The following GPC5 variants were observed in gnomAD, a reference collection of about 807,000 sequenced individuals.
The protein encoded by GPC5 is glypican-5.
In GPC5, 47 loss-of-function variants were observed where a neutral mutation model predicts 53.9. The observed-to-expected ratio is 0.87, with a 90% CI of 0.69 to 1.11. GPC5 has a LOEUF of 1.11. Ranked by LOEUF, GPC5 falls within the 50% of genes most tolerant of loss-of-function variation. The pLI, the probability that GPC5 is intolerant of heterozygous loss-of-function variation, is 0.00. For synonymous variants in GPC5, 286 were observed against 263.3 expected, an observed-to-expected ratio of 1.09 and a Z score of -0.84; for missense variants, 748 against 713.1, an observed-to-expected ratio of 1.05 and a Z score of -0.56.
At chr13:92,776,615 T>A (rs1294053694) in intron 7 of GPC5, among the ~76,000 whole-genome samples, 1 of 152,216 alleles carries the variant, frequency 6.6e-6, no homozygotes, top group Non-Finnish European at 1.5e-5. Context: ...ACTTGTGATA[T>A]TTTTACTGTT....
intron 7 of GPC5, among the ~76,000 whole-genome samples, chr13:92,785,292 A>G (rs918886229): frequency 1.3e-5 from 2 of 152,068 alleles, no homozygotes; most frequent in Non-Finnish European, 2.9e-5. Context: ...TAATAAGAAG[A>G]AGGAGAAGAA....
At chr13:92,403,933 A>G (rs1423411821) in intron 7 of GPC5, among the ~76,000 whole-genome samples, 1 of 151,986 alleles carries the variant, frequency 6.6e-6, no homozygotes, top group African/African-American at 2.4e-5. Flanking sequence ...AAAATATTTC[A>G]TTTTCTTTTA....
At position 92,501,769 on chromosome 13, in the gene GPC5, A is replaced by G. The variant is rs138693962; in HGVS notation, c.1561+356780A>G. Among the ~76,000 whole-genome samples the G allele has an allele frequency of 1.9e-4, 29 of 152,256 alleles. No individual in the cohort carries two copies. In the East Asian group the frequency reaches 5.0e-3, roughly 26 times the overall value. ...TTAAATGTCTGTCTGCAGATTTCTC[A>G]TCAGAAATTGTGGTGATCAGGAAAA... On this transcript the variant is annotated intron_variant, in intron 7 of 7. Coordinates refer to ENST00000377067, the MANE Select transcript of GPC5 (RefSeq NM_004466.6).
intron 7 of GPC5, among the ~76,000 whole-genome samples, chr13:92,158,156 A>T (rs548691930): frequency 1.1e-4 from 17 of 152,314 alleles, no homozygotes; most frequent in Admixed American, 2.0e-4. Flanking sequence ...TTACCAAAGT[A>T]CAGATGTTTC....
intron 5 of GPC5, among the ~76,000 whole-genome samples, chr13:91,788,126 A>C (rs1252592256): frequency 6.6e-6 from 1 of 152,212 alleles, no homozygotes; most frequent in Non-Finnish European, 1.5e-5. Flanking sequence ...TAAAACAACA[A>C]ATATTTATTT....
At chr13:92,390,638 C>T (rs1874952369) in intron 7 of GPC5, among the ~76,000 whole-genome samples, 1 of 152,032 alleles carries the variant, frequency 6.6e-6, no homozygotes, top group African/African-American at 2.4e-5. Flanking sequence ...ACTTAGATTT[C>T]CTTTTGGTTC....
At chr13:92,692,849 T>C (rs1245415580) in intron 7 of GPC5, among the ~76,000 whole-genome samples, 1 of 150,394 alleles carries the variant, frequency 6.6e-6, no homozygotes, top group Non-Finnish European at 1.5e-5. Context: ...TTTTTGCTGA[T>C]TAGTGATTAT....
At chr13:92,514,664 C>T (rs9523699) in intron 7 of GPC5, among the ~76,000 whole-genome samples, 17,185 of 152,138 alleles carry the variant, frequency 0.11, 1,112 homozygotes, top group Non-Finnish European at 0.15. Context: ...CCTGCCCATT[C>T]GCCACAGTGC....
At chr13:91,606,859 A>G (rs1447693582) in intron 2 of GPC5, among the ~76,000 whole-genome samples, 2 of 151,488 alleles carry the variant, frequency 1.3e-5, no homozygotes, top group Non-Finnish European at 2.9e-5. Context: ...TTTCTTTATT[A>G]GTCTTGCTAG....
intron 7 of GPC5, among the ~76,000 whole-genome samples, chr13:92,576,547 C>T (rs544761445): frequency 6.6e-6 from 1 of 152,228 alleles, no homozygotes; most frequent in African/African-American, 2.4e-5. Flanking sequence ...TAAATATCCT[C>T]CTTTGATGTC....
At chr13:91,482,482 A>G (rs77173703) in intron 2 of GPC5, among the ~76,000 whole-genome samples, 1,661 of 152,316 alleles carry the variant, frequency 0.011, 38 homozygotes, top group African/African-American at 0.038. Flanking sequence ...CTCGTCAGCT[A>G]TGCTTCTCAT....
chr13:92,399,633 A>G (rs906528619), intron 7 of GPC5, among the ~76,000 whole-genome samples: 1 of 152,168 alleles, frequency 6.6e-6, no homozygotes, highest in Admixed American at 6.5e-5. Flanking sequence ...AAAGGAAGGG[A>G]TCATGTGCAT....
intron 2 of GPC5, among the ~76,000 whole-genome samples, chr13:91,583,899 A>T (rs1482712922): frequency 6.6e-6 from 1 of 152,194 alleles, no homozygotes; most frequent in African/African-American, 2.4e-5. Flanking sequence ...TATTTATGTC[A>T]TCTTATTATG....
At chr13:91,645,243 G>T (rs1360923125) in intron 2 of GPC5, among the ~76,000 whole-genome samples, 1 of 152,112 alleles carries the variant, frequency 6.6e-6, no homozygotes, top group Non-Finnish European at 1.5e-5. Flanking sequence ...CTGTTTTGTA[G>T]TGCCATCTTT....
At chr13:91,610,344 G>T (rs951094464) in intron 2 of GPC5, among the ~76,000 whole-genome samples, 1 of 152,072 alleles carries the variant, frequency 6.6e-6, no homozygotes, top group East Asian at 1.9e-4. Flanking sequence ...TTTTGTTTCT[G>T]CCTCTGAATA....
At chr13:92,537,301 G>A (rs115784043) in intron 7 of GPC5, among the ~76,000 whole-genome samples, 6 of 152,032 alleles carry the variant, frequency 3.9e-5, no homozygotes, top group Non-Finnish European at 5.9e-5. Flanking sequence ...TGACTGAAAG[G>A]TTCCTAAGAA....
At chr13:92,212,079 CAAA>C (rs769337977) in intron 7 of GPC5, among the ~76,000 whole-genome samples, 8 of 67,314 alleles carry the variant, frequency 1.2e-4, no homozygotes, top group Non-Finnish European at 1.3e-4. Context: ...CACAATAAAG[CAAA>C]AAAAAAAAAA....
At chr13:91,908,137 G>T in intron 6 of GPC5, 80 bp downstream of exon 6, 1 of 1,138,028 alleles carries the variant, frequency 8.8e-7, no homozygotes. Context: ...TGATAAATTT[G>T]TTAATCCTGT....
chr13:92,729,469 G>A (rs756871610), intron 7 of GPC5, among the ~76,000 whole-genome samples: 1 of 151,384 alleles, frequency 6.6e-6, no homozygotes, highest in South Asian at 2.1e-4. Flanking sequence ...AATATATCAA[G>A]TTAAATGAAA....
Sources: gnomAD v4.1 joint callset for allele counts (sites outside exome capture counted in the v4.1 genomes callset) on GRCh38, gnomAD v4.1.1 for gene constraint, MANE v1.5 for transcripts, NCBI Gene and HGNC (gene_info 2026-07-23, HGNC 2026-07-21) for gene names.